The following PID1 variants were observed in gnomAD, a reference collection of about 807,000 sequenced individuals.
The protein encoded by PID1 is phosphotyrosine interaction domain containing 1.
Under a neutral mutation model 19.1 loss-of-function variants are expected in PID1, and 10 were observed. That is an observed-to-expected ratio of 0.52 (90% CI 0.32 to 0.89). The LOEUF is 0.89. PID1 is among the 40% of genes least tolerant of loss of function. The pLI is 0.03. For synonymous variants in PID1, 130 were observed against 116.0 expected, an observed-to-expected ratio of 1.12 and a Z score of -0.78; for missense variants, 248 against 285.3, an observed-to-expected ratio of 0.87 and a Z score of 0.94.
At chr2:229,141,514 A>C (rs934884147) in intron 2 of PID1, among the ~76,000 whole-genome samples, 1 of 152,136 alleles carries the variant, frequency 6.6e-6, no homozygotes, top group Non-Finnish European at 1.5e-5. Context: ...TGTTTCCATA[A>C]TAGTGGATGG....
At chr2:229,169,022 A>T (rs1157834151) in intron 1 of PID1, among the ~76,000 whole-genome samples, 1 of 152,134 alleles carries the variant, frequency 6.6e-6, no homozygotes, top group Non-Finnish European at 1.5e-5. Flanking sequence ...TCCTGAGGCT[A>T]GGAGAAGGTC....
At chr2:229,256,327 A>G (rs1690294342) in intron 1 of PID1, among the ~76,000 whole-genome samples, 1 of 152,186 alleles carries the variant, frequency 6.6e-6, no homozygotes. Flanking sequence ...TAATTTTCGA[A>G]CCCTGGAAAT....
At chr2:229,268,925 C>A (rs1690663919) in intron 1 of PID1, among the ~76,000 whole-genome samples, 1 of 152,088 alleles carries the variant, frequency 6.6e-6, no homozygotes. Flanking sequence ...ACCATCTCAT[C>A]CTCAACAGCT....
At chr2:229,076,347 T>C (rs538214924) in intron 2 of PID1, among the ~76,000 whole-genome samples, 2 of 152,216 alleles carry the variant, frequency 1.3e-5, no homozygotes, top group South Asian at 4.1e-4. Context: ...TTATGGACCA[T>C]CCTGCTGCCC....
At chr2:229,088,542 C>G (rs1479221115) in intron 2 of PID1, among the ~76,000 whole-genome samples, 1 of 152,082 alleles carries the variant, frequency 6.6e-6, no homozygotes, top group Non-Finnish European at 1.5e-5. Flanking sequence ...GAAACCAGAC[C>G]TCTTCACAAT....
Position 229,198,522 on chromosome 2 carries a change from T to C in PID1, c.31-42558A>G, listed in dbSNP as rs144323850. ...CACTTGCCTTCTTCATGTCTTTAAC[T>C]AGATACCTGAATCAGGATCTTGAAA... On this transcript the variant is annotated intron_variant, in intron 1 of 2. Coordinates refer to ENST00000392055, the MANE Select transcript of PID1 (RefSeq NM_001100818.2). Among the ~76,000 whole-genome samples the C allele has an allele frequency of 3.3e-5, 5 of 152,184 alleles. No individual in the cohort carries two copies. In the East Asian group the frequency reaches 9.7e-4, roughly 29 times the overall value.
intron 1 of PID1, among the ~76,000 whole-genome samples, chr2:229,229,776 C>T (rs1157406286): frequency 6.6e-6 from 1 of 152,212 alleles, no homozygotes; most frequent in African/African-American, 2.4e-5. Flanking sequence ...TCTCATCTCC[C>T]ACCCGTCTTC....
At position 229,097,252 on chromosome 2, in the gene PID1, C is replaced by T. The variant is rs567326155; in HGVS notation, c.177+58566G>A. Among the ~76,000 whole-genome samples the T allele has an allele frequency of 5.3e-5, 8 of 152,150 alleles. No homozygotes were observed. The South Asian group carries it at 1.0e-3, about 20-fold the overall frequency. Reference sequence around the variant, plus strand: ...GGGAGAGCATCGTAAAAGTAACAACCCCCTCGCCCCGTCTTACATATGTGC... The same window carrying T: ...GGGAGAGCATCGTAAAAGTAACAACTCCCTCGCCCCGTCTTACATATGTGC... On this transcript the variant is annotated intron_variant, in intron 2 of 2. Coordinates refer to ENST00000392055, the MANE Select transcript of PID1 (RefSeq NM_001100818.2).
At chr2:229,179,527 G>T (rs1461998438) in intron 1 of PID1, among the ~76,000 whole-genome samples, 1 of 152,150 alleles carries the variant, frequency 6.6e-6, no homozygotes, top group African/African-American at 2.4e-5. Context: ...TTAAGTAAAA[G>T]ATGCCCTCAA....
intron 1 of PID1, among the ~76,000 whole-genome samples, chr2:229,262,228 A>C (rs2106292588): frequency 6.6e-6 from 1 of 152,250 alleles, no homozygotes; most frequent in African/African-American, 2.4e-5. Flanking sequence ...ACTGAGGTCC[A>C]CCTCAAAGTA....
intron 2 of PID1, among the ~76,000 whole-genome samples, chr2:229,085,004 C>T (rs1224024955): frequency 6.6e-6 from 1 of 151,968 alleles, no homozygotes; most frequent in Non-Finnish European, 1.5e-5. Flanking sequence ...TTCCTTTCTC[C>T]TTATCGTTTC....
intron 2 of PID1, among the ~76,000 whole-genome samples, chr2:229,122,887 C>G (rs1001241072): frequency 6.6e-6 from 1 of 152,146 alleles, no homozygotes; most frequent in Non-Finnish European, 1.5e-5. Flanking sequence ...TGGACAGATA[C>G]TGGAACCCGC....
chr2:229,170,536 T>C (rs748034063), intron 1 of PID1, among the ~76,000 whole-genome samples: 1 of 152,188 alleles, frequency 6.6e-6, no homozygotes, highest in Admixed American at 6.6e-5. Flanking sequence ...AAAACATATA[T>C]ACAAAAGTGT....
At chr2:229,130,115 A>C (rs968482774) in intron 2 of PID1, among the ~76,000 whole-genome samples, 1 of 152,216 alleles carries the variant, frequency 6.6e-6, no homozygotes, top group African/African-American at 2.4e-5. Context: ...AACAGCGTTA[A>C]AAGCTGTTAC....
intron 2 of PID1, among the ~76,000 whole-genome samples, chr2:229,045,015 A>G (rs1483047944): frequency 2.0e-5 from 3 of 152,010 alleles, no homozygotes; most frequent in South Asian, 2.1e-4. Flanking sequence ...GTGCAATGGT[A>G]CAATCTCCGT....
chr2:229,231,726 C>G (rs1478431656), intron 1 of PID1, among the ~76,000 whole-genome samples: 1 of 152,100 alleles, frequency 6.6e-6, no homozygotes, highest in Non-Finnish European at 1.5e-5. Context: ...AAACTTTGGT[C>G]AGTTCTCTCC....
At chr2:229,086,011 T>C (rs1437814953) in intron 2 of PID1, among the ~76,000 whole-genome samples, 1 of 152,166 alleles carries the variant, frequency 6.6e-6, no homozygotes, top group Non-Finnish European at 1.5e-5. Context: ...TTATTGACCC[T>C]GTAATACATA....
chr2:229,046,256 C>T (rs1016700490), intron 2 of PID1, among the ~76,000 whole-genome samples: 18 of 152,148 alleles, frequency 1.2e-4, no homozygotes, highest in Admixed American at 3.3e-4. Flanking sequence ...CAGACATACA[C>T]ATATAACTAA....
At chr2:229,170,482 T>C (rs1286766076) in intron 1 of PID1, among the ~76,000 whole-genome samples, 1 of 152,190 alleles carries the variant, frequency 6.6e-6, no homozygotes, top group African/African-American at 2.4e-5. Context: ...TTTTCCCTCC[T>C]ATTTTCTGCC....
Sources: allele counts gnomAD v4.1 joint callset (sites outside exome capture counted in the v4.1 genomes callset), GRCh38; gene constraint gnomAD v4.1.1; transcripts MANE v1.5; gene names NCBI Gene and HGNC (gene_info 2026-07-23, HGNC 2026-07-21).